ADARB2: variants seen among roughly 807,000 people sequenced by gnomAD.
The protein encoded by ADARB2 is inactive double-stranded RNA-specific editase B2.
In ADARB2, 25 loss-of-function variants were observed where a neutral mutation model predicts 62.2. The observed-to-expected ratio is 0.40, with a 90% CI of 0.29 to 0.56. The LOEUF is 0.56. ADARB2 is among the 20% of genes least tolerant of loss of function. ADARB2 has a pLI of 0.43. For missense variants in ADARB2, 1,071 were observed against 1,077.4 expected (o/e 0.99, Z 0.08); for synonymous variants, 572 against 500.8 (o/e 1.14, Z -1.90).
At chr10:1,622,995 C>T (rs977720441) in intron 1 of ADARB2, among the ~76,000 whole-genome samples, 1 of 152,062 alleles carries the variant, frequency 6.6e-6, no homozygotes, top group Non-Finnish European at 1.5e-5. Context: ...TTCCGTAGGC[C>T]AAAGGTGCAA....
At chr10:1,300,983 C>T (rs1831567294) in intron 3 of ADARB2, among the ~76,000 whole-genome samples, 1 of 152,180 alleles carries the variant, frequency 6.6e-6, no homozygotes, top group Admixed American at 6.5e-5. Context: ...TGAATTGGCC[C>T]TGGTGTCCAC....
At chr10:1,450,286 G>A (rs1284807833) in intron 1 of ADARB2, among the ~76,000 whole-genome samples, 1 of 152,242 alleles carries the variant, frequency 6.6e-6, no homozygotes, top group African/African-American at 2.4e-5. Context: ...TTACATAAAA[G>A]ACACTAATAA....
chr10:1,415,824 G>T (rs908673460), intron 1 of ADARB2, among the ~76,000 whole-genome samples: 4 of 152,112 alleles, frequency 2.6e-5, no homozygotes, highest in Non-Finnish European at 4.4e-5. Flanking sequence ...TTTCTCAATT[G>T]CCACCTCTTC....
chr10:1,424,385 T>G (rs1588253458), intron 1 of ADARB2, among the ~76,000 whole-genome samples: 1 of 152,200 alleles, frequency 6.6e-6, no homozygotes. Context: ...GTGAGAACCA[T>G]GTCAGAGCCG....
intron 7 of ADARB2, among the ~76,000 whole-genome samples, chr10:1,209,210 G>T (rs1339971731): frequency 6.6e-6 from 1 of 152,002 alleles, no homozygotes; most frequent in African/African-American, 2.4e-5. Context: ...CATCAGCACA[G>T]GGTGACCTGC....
chr10:1,729,373 G>C (rs1259314563), intron 1 of ADARB2, among the ~76,000 whole-genome samples: 1 of 152,142 alleles, frequency 6.6e-6, no homozygotes, highest in African/African-American at 2.4e-5. Flanking sequence ...CTAACACAAA[G>C]AGGGCAGGTA....
At chr10:1,412,333 G>A (rs1832766339) in intron 1 of ADARB2, among the ~76,000 whole-genome samples, 1 of 151,924 alleles carries the variant, frequency 6.6e-6, no homozygotes, top group African/African-American at 2.4e-5. Context: ...GTATCGCCTT[G>A]AAGTCTTTAC....
rs919356569 is a variant in ADARB2 at position 1,521,940 on chromosome 10, T to G, written c.101-142780A>C. Among the ~76,000 whole-genome samples the G allele has an allele frequency of 1.1e-4, 16 of 152,326 alleles. No individual in the cohort carries two copies. In the East Asian group the frequency reaches 1.4e-3, roughly 13 times the overall value. On this transcript the variant is annotated intron_variant, in intron 1 of 9. Transcript: ENST00000381312. ...ACCTTGGACACATGTTCTCAGGATC[T>G]CCTGAGGGCTGTGTCGTGGGCCGGG...
chr10:1,231,831 G>A (rs1830806760), intron 6 of ADARB2, among the ~76,000 whole-genome samples: 1 of 152,156 alleles, frequency 6.6e-6, no homozygotes, highest in Non-Finnish European at 1.5e-5. Context: ...CCGCAAAAAG[G>A]AGGAGGAATG....
At chr10:1,361,933 T>A (rs746888814) in intron 3 of ADARB2, among the ~76,000 whole-genome samples, 2 of 152,244 alleles carry the variant, frequency 1.3e-5, no homozygotes, top group Non-Finnish European at 2.9e-5. Context: ...TGAATAAAGA[T>A]AATTTTCTGT....
chr10:1,675,893 C>T (rs1834461416), intron 1 of ADARB2: 1 of 775,866 alleles, frequency 1.3e-6, no homozygotes, highest in Non-Finnish European at 1.6e-6. Context: ...AGTGGCAGCT[C>T]AGAGGAAGGG....
At chr10:1,516,223 AC>A (rs1832006927) in intron 1 of ADARB2, among the ~76,000 whole-genome samples, 1 of 151,612 alleles carries the variant, frequency 6.6e-6, no homozygotes, top group Non-Finnish European at 1.5e-5. Flanking sequence ...TGCGTCCCTT[AC>A]CCTTACCCCA....
chr10:1,608,126 T>C (rs1188486915), intron 1 of ADARB2, among the ~76,000 whole-genome samples: 1 of 152,208 alleles, frequency 6.6e-6, no homozygotes, highest in East Asian at 1.9e-4. Flanking sequence ...TGAAACAAGA[T>C]CCATGCAAAT....
rs565752630 is a variant in ADARB2, at chr10:1,206,334, G to A, written c.1683-6187C>T. Among the ~76,000 whole-genome samples, 3 of 152,276 alleles carry A rather than the reference G, an allele frequency of 2.0e-5. No individual in the cohort carries two copies. The South Asian group carries it at 6.2e-4, about 32-fold the overall frequency. On this transcript the variant is annotated intron_variant, in intron 7 of 9. Transcript: ENST00000381312. Reference sequence around the variant, plus strand: ...GAGGATGGTTTCTGGGACATGCGGCGTCTCCTCCTTGTGCCTGTGCGTCTG... The same window carrying A: ...GAGGATGGTTTCTGGGACATGCGGCATCTCCTCCTTGTGCCTGTGCGTCTG...
At chr10:1,395,690 G>A (rs888604234) in intron 1 of ADARB2, among the ~76,000 whole-genome samples, 3 of 152,140 alleles carry the variant, frequency 2.0e-5, no homozygotes, top group Non-Finnish European at 2.9e-5. Context: ...CCATCCCGGC[G>A]TCGCAGACCA....
In ADARB2 at chr10:1,196,684, A is replaced by G. The variant is rs111774936; in HGVS notation, c.1864+3282T>C. Among the ~76,000 whole-genome samples, 609 of 152,344 alleles carry G rather than the reference A, an allele frequency of 4.0e-3. 4 individuals are homozygous for G. Among genetic ancestry groups the G allele is most frequent in the African/African-American group, 0.013 (557 of 41,572 alleles). Reference sequence around the variant, plus strand: ...TGCCTAGAAAGTTCTGTGCTAATCTATAAAAATGTCTTATTAAGTAGTTCT... The same window carrying G: ...TGCCTAGAAAGTTCTGTGCTAATCTGTAAAAATGTCTTATTAAGTAGTTCT... On this transcript the variant is annotated intron_variant, in intron 8 of 9. Transcript: ENST00000381312.
At position 1,529,996 on chromosome 10, in the gene ADARB2, CCGT is replaced by C. The variant is rs1832206522; in HGVS notation, c.101-150839_101-150837del. Among the ~76,000 whole-genome samples, 5 of 152,308 alleles carry C rather than the reference CCGT, an allele frequency of 3.3e-5. No individual in the cohort carries two copies. The South Asian group carries it at 6.2e-4, about 19-fold the overall frequency. ...CCACTGCTCCTGCCACTGTGGGCACCCGTCAACTGTCCCTGTCAATGTGGGCAC... is the reference window on the plus strand; with the variant it reads ...CCACTGCTCCTGCCACTGTGGGCACCCAACTGTCCCTGTCAATGTGGGCAC... On this transcript the variant is annotated intron_variant, in intron 1 of 9. Coordinates refer to ENST00000381312, the MANE Select transcript of ADARB2 (RefSeq NM_018702.4).
At chr10:1,568,800 C>CTCTATCTATCTA (rs71379148) in intron 1 of ADARB2, among the ~76,000 whole-genome samples, 9,576 of 148,506 alleles carry the variant, frequency 0.064, 349 homozygotes, top group East Asian at 0.1. Context: ...ATGTCTCTAT[C>CTCTATCTATCTA]TCTATCTATC....
intron 1 of ADARB2, among the ~76,000 whole-genome samples, chr10:1,422,503 C>T (rs759468209): frequency 6.6e-5 from 10 of 152,234 alleles, no homozygotes; most frequent in Non-Finnish European, 1.5e-4. Flanking sequence ...GAGGCAGTGC[C>T]CTGTGGCTGA....
Sources: gnomAD v4.1 joint callset for allele counts (sites outside exome capture counted in the v4.1 genomes callset) on GRCh38, gnomAD v4.1.1 for gene constraint, MANE v1.5 for transcripts, NCBI Gene and HGNC (gene_info 2026-07-23, HGNC 2026-07-21) for gene names.